Variants in PDZD2 observed in about 807,000 individuals in gnomAD.
The protein encoded by PDZD2 is PDZ domain-containing protein 2.
A neutral mutation model predicts 220.7 loss-of-function variants in PDZD2; 90 were observed. The ratio of observed to expected loss-of-function variants is 0.41; its 90% confidence interval spans 0.34 to 0.49. PDZD2 has a LOEUF of 0.49. Ranked by LOEUF, PDZD2 falls within the 20% of genes least tolerant of loss-of-function variation. The pLI, the probability that PDZD2 is intolerant of heterozygous loss-of-function variation, is 0.28. For missense variants in PDZD2, 3,174 were observed against 3,608.5 expected (o/e 0.88, Z 3.08); for synonymous variants, 1,375 against 1,450.5 (o/e 0.95, Z 1.18).
At position 31,661,850 on chromosome 5, in the gene PDZD2, T is replaced by C. The variant is rs185286822; in HGVS notation, c.-361+22413T>C. On this transcript the variant is annotated intron_variant, in intron 1 of 24. Transcript: ENST00000438447. Reference sequence around the variant, plus strand: ...GGGGCAAAAAGGTAAATGTCGTAACTGTACAAGGTGCAGGCAGGGGAAGAT... The same window carrying C: ...GGGGCAAAAAGGTAAATGTCGTAACCGTACAAGGTGCAGGCAGGGGAAGAT... Among the ~76,000 whole-genome samples the C allele has an allele frequency of 1.8e-3, 262 of 149,632 alleles. 1 individual carries two copies. Among genetic ancestry groups the C allele is most frequent in the Non-Finnish European group, 3.3e-3 (226 of 67,564 alleles).
chr5:31,664,501 CAT>C (rs1400994928), intron 1 of PDZD2, among the ~76,000 whole-genome samples: 1 of 151,960 alleles, frequency 6.6e-6, no homozygotes, highest in Non-Finnish European at 1.5e-5. Flanking sequence ...CGTACACACA[CAT>C]ACACACACAC....
intron 2 of PDZD2, among the ~76,000 whole-genome samples, chr5:31,891,766 C>T (rs939449749): frequency 2.0e-5 from 3 of 152,198 alleles, no homozygotes; most frequent in Admixed American, 6.5e-5. Flanking sequence ...ACATTTTAGC[C>T]ATTGCCAGCC....
intron 2 of PDZD2, among the ~76,000 whole-genome samples, chr5:31,905,653 T>TGTAGTGAGAAAA (rs1412487992): frequency 6.6e-6 from 1 of 152,236 alleles, no homozygotes; most frequent in Non-Finnish European, 1.5e-5. Context: ...AGAGTTAACC[T>TGTAGTGAGAAAA]TCCCGCTAAG....
Position 32,074,224 on chromosome 5 carries a change from G to A in PDZD2, c.3118G>A (p.Asp1040Asn). 1 of 1,614,222 alleles carries A rather than the reference G, an allele frequency of 6.2e-7. No individual in the cohort carries two copies. The highest frequency in any genetic ancestry group is 1.1e-5 in the South Asian group (1 of 91,088). Residue 1040 changes from aspartate (D) to asparagine (N), a missense_variant, in exon 18 of 25, where the codon GAC becomes AAC. By Grantham distance (23) the Asp-to-Asn change is conservative. Transcript: ENST00000438447. ...GGCACCTCTTCTTGGTAGCTCAGTGGACTTAGAGGAGAGTATCCCAGAGGG... is the reference window on the plus strand; with the variant it reads ...GGCACCTCTTCTTGGTAGCTCAGTGAACTTAGAGGAGAGTATCCCAGAGGG... ...ISAPLLGSSV[D>N]LEESIPEGMV...
chr5:32,041,278 C>G (rs537334057), intron 7 of PDZD2, among the ~76,000 whole-genome samples: 1 of 150,360 alleles, frequency 6.7e-6, no homozygotes, highest in Non-Finnish European at 1.5e-5. Flanking sequence ...CTGGCCGCCC[C>G]GTCTGGGAAG....
Position 31,662,873 on chromosome 5 carries a change from A to G in PDZD2, c.-361+23436A>G, listed in dbSNP as rs569971014. Among the ~76,000 whole-genome samples, 640 of 152,118 alleles carry G rather than the reference A, an allele frequency of 4.2e-3. 3 individuals are homozygous for G. The highest frequency in any genetic ancestry group is 0.013 in the African/African-American group (553 of 41,490). ...TCTTGATCTCCTGACCTTGTGATCC[A>G]CCCGCTGTGGCCTCCCAAAGTGCTG... On this transcript the variant is annotated intron_variant, in intron 1 of 24. Transcript: ENST00000438447.
At chr5:31,690,238 A>G (rs4867078) in intron 1 of PDZD2, among the ~76,000 whole-genome samples, 65,915 of 151,694 alleles carry the variant, frequency 0.43, 14,521 homozygotes, top group East Asian at 0.52. Flanking sequence ...ACCCTGGCCA[A>G]TTCCTCACTA....
At position 31,742,848 on chromosome 5, in the gene PDZD2, A is replaced by G. The variant is rs867403457; in HGVS notation, c.-360-56041A>G. ...TTGATCAGTTACCTGCTTGGTCTCT[A>G]AAAGCATTTGGCTTACCAACTACTG... is the stretch of plus-strand genomic sequence containing the variant. On this transcript the variant is annotated intron_variant, in intron 1 of 24. Transcript: ENST00000438447. Among the ~76,000 whole-genome samples, 9 of 152,204 alleles carry G rather than the reference A, an allele frequency of 5.9e-5. No homozygotes were observed. The South Asian group carries it at 8.3e-4, about 14-fold the overall frequency.
intron 8 of PDZD2, among the ~76,000 whole-genome samples, chr5:32,050,496 A>C (rs545137519): frequency 6.6e-6 from 1 of 151,794 alleles, no homozygotes; most frequent in South Asian, 2.1e-4. Context: ...CCCAGGATTC[A>C]TCTTTCTTTT....
At chr5:32,032,418 G>T (rs1156462321) in intron 6 of PDZD2, among the ~76,000 whole-genome samples, 14 of 152,114 alleles carry the variant, frequency 9.2e-5, no homozygotes. Flanking sequence ...CACTCTCTCG[G>T]TCGTTCCTTG....
chr5:31,739,517 G>A (rs1750122084), intron 1 of PDZD2, among the ~76,000 whole-genome samples: 1 of 151,994 alleles, frequency 6.6e-6, no homozygotes, highest in African/African-American at 2.4e-5. Context: ...GATAAAAGAA[G>A]GGAAGATATG....
intron 5 of PDZD2, among the ~76,000 whole-genome samples, chr5:32,004,548 G>T (rs905850218): frequency 5.9e-5 from 9 of 152,224 alleles, no homozygotes; most frequent in African/African-American, 2.2e-4. Context: ...CCGTGGCCAT[G>T]CCACTACACT....
intron 2 of PDZD2, among the ~76,000 whole-genome samples, chr5:31,958,639 G>A (rs541103755): frequency 4.8e-4 from 73 of 152,012 alleles, no homozygotes; most frequent in South Asian, 1.5e-3. Context: ...CCCCGCCCCC[G>A]TCATAGGATC....
chr5:31,885,235 A>AT (rs113324473), intron 2 of PDZD2, among the ~76,000 whole-genome samples: 19,644 of 146,378 alleles, frequency 0.13, 3,428 homozygotes, highest in African/African-American at 0.41. Flanking sequence ...AAGCAGTGGG[A>AT]TTTTTTTTTT....
chr5:31,645,333 CTT>C (rs1226259458), intron 1 of PDZD2, among the ~76,000 whole-genome samples: 146 of 122,798 alleles, frequency 1.2e-3, no homozygotes, highest in African/African-American at 3.2e-3. Flanking sequence ...CTCTTGGTCT[CTT>C]TTTTTTTTTT....
intron 21 of PDZD2, 23 bp downstream of exon 21, chr5:32,093,047 A>C: frequency 5.2e-5 from 65 of 1,260,950 alleles, no homozygotes; most frequent in African/African-American, 7.4e-5. Context: ...CAGAAAGCTC[A>C]GGAACATGAA....
At chr5:32,016,808 C>T (rs1232234600) in intron 6 of PDZD2, among the ~76,000 whole-genome samples, 1 of 152,226 alleles carries the variant, frequency 6.6e-6, no homozygotes, top group Non-Finnish European at 1.5e-5. Flanking sequence ...ATACATCCTA[C>T]CTGCCTGGGC....
chr5:31,737,167 C>CTTTTTT (rs57379430), intron 1 of PDZD2, among the ~76,000 whole-genome samples: 57 of 66,314 alleles, frequency 8.6e-4, no homozygotes, highest in African/African-American at 9.6e-4. Flanking sequence ...CAGTCTACTT[C>CTTTTTT]TTTTTTTTTT....
chr5:31,929,819 G>A (rs973257211), intron 2 of PDZD2, among the ~76,000 whole-genome samples: 3 of 152,156 alleles, frequency 2.0e-5, no homozygotes, highest in Admixed American at 1.3e-4. Context: ...GATATAGTTT[G>A]CATGTTTGTC....
Sources: allele counts gnomAD v4.1 joint callset (sites outside exome capture counted in the v4.1 genomes callset), GRCh38; gene constraint gnomAD v4.1.1; transcripts MANE v1.5; gene names NCBI Gene and HGNC (gene_info 2026-07-23, HGNC 2026-07-21).